Variants in INPP4B observed in about 807,000 individuals in gnomAD.
INPP4B encodes the protein inositol polyphosphate-4-phosphatase type II B.
Under a neutral mutation model 122.5 loss-of-function variants are expected in INPP4B, and 55 were observed. The ratio of observed to expected loss-of-function variants is 0.45; its 90% confidence interval spans 0.36 to 0.56. The LOEUF is 0.56. Ranked by LOEUF, INPP4B falls within the 20% of genes least tolerant of loss-of-function variation. The probability of loss-of-function intolerance (pLI) is 0.00; values close to 1 mark genes in which losing one functional copy is unlikely to be tolerated. For missense variants in INPP4B, 1,000 were observed against 1,097.7 expected (o/e 0.91, Z 1.26); for synonymous variants, 403 against 388.7 (o/e 1.04, Z -0.43).
chr4:142,507,078 C>T (rs1391164905), intron 2 of INPP4B, among the ~76,000 whole-genome samples: 1 of 152,114 alleles, frequency 6.6e-6, no homozygotes, highest in Admixed American at 6.5e-5. Flanking sequence ...ATCCTGCTAC[C>T]ATAATGTCTT....
At chr4:142,194,571 T>C (rs893086664) in intron 14 of INPP4B, among the ~76,000 whole-genome samples, 11 of 152,182 alleles carry the variant, frequency 7.2e-5, no homozygotes, top group African/African-American at 2.7e-4. Context: ...TGAGGATCAC[T>C]ACAAGCTAAC....
intron 2 of INPP4B, among the ~76,000 whole-genome samples, chr4:142,615,507 T>G (rs1175291912): frequency 6.6e-6 from 1 of 152,156 alleles, no homozygotes; most frequent in Non-Finnish European, 1.5e-5. Context: ...TAGGTCAGAG[T>G]GACCTGTAGG....
intron 2 of INPP4B, among the ~76,000 whole-genome samples, chr4:142,513,490 C>CTCCA (rs1237018709): frequency 6.6e-6 from 1 of 152,122 alleles, no homozygotes; most frequent in Non-Finnish European, 1.5e-5. Flanking sequence ...TCACTGCAAC[C>CTCCA]TCCACCTCCT....
chr4:142,298,625 A>C (rs1306652421), intron 9 of INPP4B, among the ~76,000 whole-genome samples: 3 of 141,478 alleles, frequency 2.1e-5, no homozygotes, highest in Non-Finnish European at 3.0e-5. Context: ...CAGAGGTTGC[A>C]CTGAGCAGAC....
chr4:142,248,740 TG>T (rs1730421291), intron 11 of INPP4B, among the ~76,000 whole-genome samples: 1 of 151,998 alleles, frequency 6.6e-6, no homozygotes, highest in Non-Finnish European at 1.5e-5. Flanking sequence ...CTCTCTTGCT[TG>T]GTTCTCTTGA....
intron 1 of INPP4B, among the ~76,000 whole-genome samples, chr4:142,731,096 T>A (rs1380821549): frequency 6.6e-6 from 1 of 152,122 alleles, no homozygotes; most frequent in Non-Finnish European, 1.5e-5. Flanking sequence ...AAGCCCCACA[T>A]GCATTAGCTA....
chr4:142,528,564 T>C (rs1827211851), intron 2 of INPP4B, among the ~76,000 whole-genome samples: 1 of 152,060 alleles, frequency 6.6e-6, no homozygotes, highest in Non-Finnish European at 1.5e-5. Context: ...AGTCTAATCA[T>C]AGAAGTGACA....
At chr4:142,680,943 A>G (rs1758531130) in intron 2 of INPP4B, among the ~76,000 whole-genome samples, 1 of 151,896 alleles carries the variant, frequency 6.6e-6, no homozygotes, top group Admixed American at 6.6e-5. Context: ...GACACTTTTT[A>G]CAGACATTCA....
intron 2 of INPP4B, among the ~76,000 whole-genome samples, chr4:142,586,339 A>G (rs542884968): frequency 6.6e-6 from 1 of 152,096 alleles, no homozygotes; most frequent in East Asian, 1.9e-4. Flanking sequence ...CAAAAACAAC[A>G]ACAACAACGA....
intron 9 of INPP4B, among the ~76,000 whole-genome samples, chr4:142,301,691 G>T (rs2151131829): frequency 6.6e-6 from 1 of 152,178 alleles, no homozygotes; most frequent in Non-Finnish European, 1.5e-5. Flanking sequence ...CTGTACTTAA[G>T]AATATAAAAA....
At chr4:142,347,620 T>C in intron 7 of INPP4B, 2 of 362,218 alleles carry the variant, frequency 5.5e-6, no homozygotes, top group Non-Finnish European at 1.1e-5. Context: ...AAAATAAAAA[T>C]TAAATTTCAA....
chr4:142,089,326 G>C (rs776967713), intron 23 of INPP4B, among the ~76,000 whole-genome samples: 1 of 152,052 alleles, frequency 6.6e-6, no homozygotes, highest in Non-Finnish European at 1.5e-5. Context: ...CCTTTAACAT[G>C]AGATGAAGAC....
intron 9 of INPP4B, among the ~76,000 whole-genome samples, chr4:142,295,445 G>C (rs915694260): frequency 6.6e-5 from 10 of 152,108 alleles, no homozygotes; most frequent in African/African-American, 2.4e-4. Context: ...GGATGTGTGT[G>C]TTACAGAATA....
intron 2 of INPP4B, among the ~76,000 whole-genome samples, chr4:142,476,194 T>C (rs1819755245): frequency 6.6e-6 from 1 of 152,216 alleles, no homozygotes; most frequent in Non-Finnish European, 1.5e-5. Flanking sequence ...TAGTCAGCAT[T>C]AATAAAGAAA....
At chr4:142,652,388 A>C (rs1033321285) in intron 2 of INPP4B, among the ~76,000 whole-genome samples, 2 of 152,152 alleles carry the variant, frequency 1.3e-5, no homozygotes, top group Non-Finnish European at 2.9e-5. Context: ...AGGCAAGAGA[A>C]AGAAATTTGG....
At chr4:142,316,323 AG>A (rs143539583) in intron 7 of INPP4B, among the ~76,000 whole-genome samples, 1,767 of 152,318 alleles carry the variant, frequency 0.012, 31 homozygotes, top group African/African-American at 0.04. Context: ...TTTTTGGCCC[AG>A]ATTACCATTC....
At chr4:142,128,986 C>T (rs1349041382) in intron 18 of INPP4B, among the ~76,000 whole-genome samples, 2 of 152,170 alleles carry the variant, frequency 1.3e-5, no homozygotes, top group African/African-American at 4.8e-5. Flanking sequence ...ATTAACTTCA[C>T]AAAAGCTTGT....
intron 2 of INPP4B, among the ~76,000 whole-genome samples, chr4:142,524,866 T>C (rs1289278143): frequency 2.0e-5 from 3 of 151,676 alleles, no homozygotes; most frequent in Non-Finnish European, 2.9e-5. Flanking sequence ...CTATTCAACA[T>C]AGTGTTGGAA....
chr4:142,524,431 G>GT (rs1447943045), intron 2 of INPP4B, among the ~76,000 whole-genome samples: 11 of 151,952 alleles, frequency 7.2e-5, no homozygotes, highest in Non-Finnish European at 1.5e-4. Flanking sequence ...TTTTTCATGT[G>GT]TTTTTTGGCT....
Sources: allele counts gnomAD v4.1 joint callset (sites outside exome capture counted in the v4.1 genomes callset), GRCh38; gene constraint gnomAD v4.1.1; transcripts MANE v1.5; gene names NCBI Gene and HGNC (gene_info 2026-07-23, HGNC 2026-07-21).